Variants in CACNG3 observed in about 807,000 individuals in gnomAD.
CACNG3 encodes the protein calcium voltage-gated channel auxiliary subunit gamma 3, also known as voltage-dependent calcium channel gamma-3 subunit.
CACNG3 carries 3 observed loss-of-function variants against 28.5 expected under a neutral mutation model. The ratio of observed to expected loss-of-function variants is 0.11; its 90% confidence interval spans 0.05 to 0.27. The LOEUF (loss-of-function observed/expected upper bound fraction) is 0.27. Ranked by LOEUF, CACNG3 falls within the 10% of genes least tolerant of loss-of-function variation. The pLI, the probability that CACNG3 is intolerant of heterozygous loss-of-function variation, is 1.00. For synonymous variants in CACNG3, 174 were observed against 162.2 expected (o/e 1.07, Z -0.55); for missense variants, 236 against 414.4 (o/e 0.57, Z 3.74).
rs973228873 is a variant in CACNG3, at chr16:24,327,455, T to C, written c.212-19279T>C. 5.4e-3 allele frequency among the ~76,000 whole-genome samples: 493 copies of C among 91,358 alleles called. 3 individuals are homozygous for C. The highest frequency in any genetic ancestry group is 0.018 in the African/African-American group (429 of 23,206). The allele number at this position is 91,358 out of a possible 152,430, so 59.9% of individuals were successfully genotyped here. A position where few individuals can be genotyped will look rare whatever the true frequency, so the allele number is the denominator to read the frequency against. On this transcript the variant is annotated intron_variant, in intron 1 of 3. Transcript: ENST00000005284. ...GTGTGTGTGTATATATATATATATA[T>C]ACACACACACACACACACACACATA...
chr16:24,315,533 C>T (rs1453950527), intron 1 of CACNG3, among the ~76,000 whole-genome samples: 2 of 145,120 alleles, frequency 1.4e-5, no homozygotes, highest in African/African-American at 2.5e-5. Context: ...TTCTTTCTTT[C>T]TTTTTCCTTT....
chr16:24,293,672 G>A (rs1355322635), intron 1 of CACNG3, among the ~76,000 whole-genome samples: 1 of 152,120 alleles, frequency 6.6e-6, no homozygotes, highest in Non-Finnish European at 1.5e-5. Flanking sequence ...TATTTGGGAT[G>A]CCTTCTACAA....
intron 1 of CACNG3, among the ~76,000 whole-genome samples, chr16:24,310,139 T>G (rs538239453): frequency 4.6e-4 from 70 of 151,926 alleles, no homozygotes; most frequent in African/African-American, 1.6e-3. Context: ...AGGGAAGGAT[T>G]CCGAAGAGAG....
intron 2 of CACNG3, among the ~76,000 whole-genome samples, chr16:24,349,713 G>C (rs536139817): frequency 6.6e-6 from 1 of 152,134 alleles, no homozygotes; most frequent in Non-Finnish European, 1.5e-5. Flanking sequence ...TGGCGGGTTT[G>C]GGCTGGCTTC....
At chr16:24,284,368 T>C (rs11862219) in intron 1 of CACNG3, among the ~76,000 whole-genome samples, 32,917 of 152,120 alleles carry the variant, frequency 0.22, 3,767 homozygotes, top group South Asian at 0.33. Context: ...TTTGACAATT[T>C]CTCTCACATC....
chr16:24,293,944 A>G (rs748203831), intron 1 of CACNG3, among the ~76,000 whole-genome samples: 2 of 152,012 alleles, frequency 1.3e-5, no homozygotes, highest in Admixed American at 6.6e-5. Context: ...CCACATATGA[A>G]CTGTTTCATT....
At chr16:24,300,450 A>G (rs1031721993) in intron 1 of CACNG3, among the ~76,000 whole-genome samples, 12 of 152,268 alleles carry the variant, frequency 7.9e-5, no homozygotes, top group South Asian at 2.1e-4. Context: ...CTGGGGGGGA[A>G]ACCAGAAATC....
Position 24,256,539 on chromosome 16 carries a change from C to T in CACNG3, c.-216C>T. 1 of 570,442 alleles carries T rather than the reference C, an allele frequency of 1.8e-6. No individual in the cohort carries two copies. Among genetic ancestry groups the T allele is most frequent in the Non-Finnish European group, 3.1e-6 (1 of 319,374 alleles). The allele number at this position is 570,442 out of a possible 1,614,324, so 35.3% of individuals were successfully genotyped here. ...AGTGATGCGGACCAACCCCCCGGAG[C>T]CTGCACCCTTCCGAGGGCCATAGGC... is the stretch of plus-strand genomic sequence containing the variant. On this transcript the variant is annotated 5_prime_UTR_variant, in exon 1 of 4. Transcript: ENST00000005284. The surrounding 1 kb of genome is among the most constrained non-coding windows in gnomAD (Gnocchi z 4.6).
chr16:24,304,381 T>G (rs971916719), intron 1 of CACNG3, among the ~76,000 whole-genome samples: 1 of 152,156 alleles, frequency 6.6e-6, no homozygotes, highest in African/African-American at 2.4e-5. Context: ...TTAAAGTGCA[T>G]GTACAGAGAA....
chr16:24,313,991 C>T (rs949054730), intron 1 of CACNG3, among the ~76,000 whole-genome samples: 6 of 152,144 alleles, frequency 3.9e-5, no homozygotes, highest in African/African-American at 9.6e-5. Flanking sequence ...GTCATCCACC[C>T]GCCTCAGCTT....
chr16:24,360,473 G>A lies in CACNG3; in HGVS notation c.437-879G>A, dbSNP rs118069515. 6.8e-3 allele frequency among the ~76,000 whole-genome samples: 1,041 copies of A among 152,196 alleles called. 5 individuals carry two copies. Among genetic ancestry groups the A allele is most frequent in the Middle Eastern group, 0.017 (5 of 292 alleles). On this transcript the variant is annotated intron_variant, in intron 3 of 3. Coordinates refer to ENST00000005284, the MANE Select transcript of CACNG3 (RefSeq NM_006539.4). ...CCTGCTCCCCAAGTCCTGGTGCCCT[G>A]GTGCTCAAACAACAGCTGATCTGAA... is the stretch of plus-strand genomic sequence containing the variant.
chr16:24,271,591 T>G (rs1898691162), intron 1 of CACNG3, among the ~76,000 whole-genome samples: 1 of 152,180 alleles, frequency 6.6e-6, no homozygotes. Context: ...GATTTGAATT[T>G]AGGGGGACCT....
At chr16:24,268,033 G>C (rs1235945444) in intron 1 of CACNG3, among the ~76,000 whole-genome samples, 3 of 152,190 alleles carry the variant, frequency 2.0e-5, no homozygotes, top group Admixed American at 2.0e-4. Context: ...CTAGATGCCA[G>C]GCACTGTTCT....
At chr16:24,311,079 G>A (rs1024601482) in intron 1 of CACNG3, among the ~76,000 whole-genome samples, 3 of 152,218 alleles carry the variant, frequency 2.0e-5, no homozygotes, top group Non-Finnish European at 4.4e-5. Context: ...ACAGTGTGAA[G>A]CAAAAGTTAA....
rs71154295 is a variant in CACNG3 at position 24,280,821 on chromosome 16, CAAAAAAA to C, written c.211+23874_211+23880del. ...TGGGTGACAGAGCAAGAGTTTGTCTCAAAAAAAAAAAAAAAAAAAAAAAAGACCAGAC... is the reference window on the plus strand; with the variant it reads ...TGGGTGACAGAGCAAGAGTTTGTCTCAAAAAAAAAAAAAAAAAGACCAGAC... On this transcript the variant is annotated intron_variant, in intron 1 of 3. Transcript: ENST00000005284. Among the ~76,000 whole-genome samples the C allele has an allele frequency of 1.1e-4, 6 of 55,646 alleles. No individual in the cohort carries two copies. In the East Asian group the frequency reaches 1.6e-3, roughly 15 times the overall value. The allele number at this position is 55,646 out of a possible 152,430, so 36.5% of individuals were successfully genotyped here. A position where few individuals can be genotyped will look rare whatever the true frequency, so the allele number is the denominator to read the frequency against.
chr16:24,350,232 C>T (rs1477881907), intron 2 of CACNG3, among the ~76,000 whole-genome samples: 1 of 152,170 alleles, frequency 6.6e-6, no homozygotes, highest in Admixed American at 6.5e-5. Flanking sequence ...GGGGTCTCCC[C>T]ACCAATGGTT....
chr16:24,309,445 G>A (rs4787981), intron 1 of CACNG3, among the ~76,000 whole-genome samples: 48,748 of 152,120 alleles, frequency 0.32, 8,121 homozygotes, highest in South Asian at 0.52. Flanking sequence ...TTTCCAGCAT[G>A]AGAGAGCCAC....
At chr16:24,321,383 A>G (rs1206447329) in intron 1 of CACNG3, among the ~76,000 whole-genome samples, 1 of 151,988 alleles carries the variant, frequency 6.6e-6, no homozygotes, top group Non-Finnish European at 1.5e-5. Context: ...AGAGGTTGCA[A>G]TGAGCCGAGA....
At chr16:24,296,039 C>T (rs374788393) in intron 1 of CACNG3, among the ~76,000 whole-genome samples, 1 of 152,188 alleles carries the variant, frequency 6.6e-6, no homozygotes, top group South Asian at 2.1e-4. Context: ...AGGAGGAGGA[C>T]AATTTTGCAC....
Sources: gnomAD v4.1 joint callset for allele counts (sites outside exome capture counted in the v4.1 genomes callset) on GRCh38, gnomAD v4.1.1 for gene constraint, Gnocchi (gnomAD v3.1) non-coding constraint, MANE v1.5 for transcripts, NCBI Gene and HGNC (gene_info 2026-07-23, HGNC 2026-07-21) for gene names.